The following ANK3 variants were observed in gnomAD, a reference collection of about 807,000 sequenced individuals.
ANK3 encodes the protein ankyrin 3.
ANK3 carries 57 observed loss-of-function variants against 370.9 expected under a neutral mutation model. The observed-to-expected ratio is 0.15, with a 90% confidence interval of 0.12 to 0.19. The LOEUF (loss-of-function observed/expected upper bound fraction) is 0.19, where lower values mean the gene tolerates loss of function less well. ANK3 is among the 10% of genes least tolerant of loss of function. The pLI, the probability that ANK3 is intolerant of heterozygous loss-of-function variation, is 1.00. For synonymous variants in ANK3, 1,929 were observed against 1,946.3 expected (o/e 0.99, Z 0.23); for missense variants, 4,439 against 5,302.1 (o/e 0.84, Z 5.06).
chr10:60,487,131 T>C (rs1257793976), intron 2 of ANK3, among the ~76,000 whole-genome samples: 2 of 152,140 alleles, frequency 1.3e-5, no homozygotes, highest in Non-Finnish European at 2.9e-5. Flanking sequence ...GGAAAATAAC[T>C]AAACCAAATA....
At chr10:60,426,807 AG>A (rs1400189846) in intron 2 of ANK3, among the ~76,000 whole-genome samples, 10 of 152,298 alleles carry the variant, frequency 6.6e-5, no homozygotes, top group Admixed American at 4.6e-4. Flanking sequence ...AAAATTATGA[AG>A]TATAGAAGCC....
intron 2 of ANK3, among the ~76,000 whole-genome samples, chr10:60,544,938 C>A (rs75326450): frequency 5.7e-5 from 1 of 17,618 alleles, no homozygotes; most frequent in Admixed American, 5.9e-4. Flanking sequence ...CATTTTAGGG[C>A]GTGGACAATA....
Position 60,707,018 on chromosome 10 carries a change from T to C in ANK3, c.57+26245A>G, listed in dbSNP as rs563300254. On this transcript the variant is annotated intron_variant, in intron 1 of 43. Coordinates refer to the ANK3 transcript ENST00000373827. The stretch of plus-strand genomic sequence containing the variant: ...ATGTTTCAAACCTAATAATAATATA[T>C]AAATGTATGTTTATATGTAAATATT... 1.4e-3 allele frequency among the ~76,000 whole-genome samples: 215 copies of C among 152,298 alleles called. 3 individuals carry two copies. The highest frequency in any genetic ancestry group is 2.6e-3 in the Non-Finnish European group (175 of 68,016).
At chr10:60,236,458 C>T (rs528750799) in intron 7 of ANK3, among the ~76,000 whole-genome samples, 3 of 152,154 alleles carry the variant, frequency 2.0e-5, no homozygotes, top group African/African-American at 7.2e-5. Context: ...CTCTATCCCA[C>T]CTTTTTCCCC....
rs192689065 is a variant in ANK3 at position 60,380,132 on chromosome 10, A to G, written c.114+9293T>C. ...AATTATAGTACTGTTAAGGTAGAATACATTTCCAGTAAATGAAGTAAAAGT... is the reference window on the plus strand; with the variant it reads ...AATTATAGTACTGTTAAGGTAGAATGCATTTCCAGTAAATGAAGTAAAAGT... On this transcript the variant is annotated intron_variant, in intron 1 of 43. Coordinates refer to ENST00000280772, the MANE Select transcript of ANK3 (RefSeq NM_020987.5). 5.6e-4 allele frequency among the ~76,000 whole-genome samples: 85 copies of G among 152,314 alleles called. No homozygotes were observed. In the East Asian group the frequency reaches 0.011, roughly 19 times the overall value.
intron 2 of ANK3, among the ~76,000 whole-genome samples, chr10:60,528,889 T>C (rs981803877): frequency 2.0e-5 from 3 of 152,106 alleles, no homozygotes; most frequent in Non-Finnish European, 4.4e-5. Context: ...TTTTTACTAG[T>C]GAATGATTAA....
rs1421983313 is a variant in ANK3 at position 60,082,182 on chromosome 10, G to A, written c.4324-6C>T. ...TCTTGATCTGACTCTGTCTCCTTTT[G>A]GTTCCAAGATGCATTGCAGAGACAA... On this transcript the variant is annotated splice_region_variant and splice_polypyrimidine_tract_variant and intron_variant, in intron 34 of 43. Transcript: ENST00000280772. 6.2e-7 allele frequency: 1 copy of A among 1,608,322 alleles called. No homozygotes were observed. The highest frequency in any genetic ancestry group is 8.5e-7 in the Non-Finnish European group (1 of 1,176,538).
intron 1 of ANK3, among the ~76,000 whole-genome samples, chr10:60,357,347 TG>T (rs2057921644): frequency 6.6e-6 from 1 of 152,244 alleles, no homozygotes; most frequent in Non-Finnish European, 1.5e-5. Flanking sequence ...TCACTTGTTC[TG>T]GTATTCCATT....
chr10:60,421,135 C>T (rs1220711759), intron 2 of ANK3, among the ~76,000 whole-genome samples: 3 of 151,852 alleles, frequency 2.0e-5, no homozygotes, highest in Non-Finnish European at 4.4e-5. Context: ...CTAGACTAGG[C>T]AAGTTCACAG....
intron 43 of ANK3, among the ~76,000 whole-genome samples, chr10:60,034,085 T>TG (rs2074349544): frequency 6.6e-6 from 1 of 150,804 alleles, no homozygotes; most frequent in African/African-American, 2.5e-5. Flanking sequence ...GTTTTTGTTT[T>TG]TTTTTTTGTT....
intron 8 of ANK3, among the ~76,000 whole-genome samples, chr10:60,226,525 AT>A (rs1244834655): frequency 1.9e-4 from 11 of 57,056 alleles, no homozygotes; most frequent in East Asian, 3.6e-4. Flanking sequence ...TATATATACT[AT>A]AGTATATATA....
intron 16 of ANK3, among the ~76,000 whole-genome samples, chr10:60,191,644 T>C (rs1240667201): frequency 6.6e-6 from 1 of 152,110 alleles, no homozygotes; most frequent in African/African-American, 2.4e-5. Context: ...TAAATTAATA[T>C]AACCTTTAAG....
intron 35 of ANK3, among the ~76,000 whole-genome samples, chr10:60,080,950 C>T (rs2085060178): frequency 6.6e-6 from 1 of 152,240 alleles, no homozygotes; most frequent in South Asian, 2.1e-4. Flanking sequence ...TATGTGAGTA[C>T]ATTCAAGGGA....
At chr10:60,676,713 A>G (rs951142855) in intron 1 of ANK3, among the ~76,000 whole-genome samples, 3 of 152,212 alleles carry the variant, frequency 2.0e-5, no homozygotes, top group Non-Finnish European at 4.4e-5. Flanking sequence ...TGATGAAAGG[A>G]CGGAAGCAAA....
intron 1 of ANK3, among the ~76,000 whole-genome samples, chr10:60,299,157 AGAAT>A (rs1324020837): frequency 6.6e-6 from 1 of 152,202 alleles, no homozygotes; most frequent in African/African-American, 2.4e-5. Context: ...TGAGACACAC[AGAAT>A]GTTTATAAAA....
intron 1 of ANK3, among the ~76,000 whole-genome samples, chr10:60,375,775 G>C (rs1214974287): frequency 6.6e-6 from 1 of 152,128 alleles, no homozygotes; most frequent in Non-Finnish European, 1.5e-5. Flanking sequence ...ACACATACAG[G>C]TATTTATCGT....
At chr10:60,290,462 A>G (rs941625138) in intron 1 of ANK3, among the ~76,000 whole-genome samples, 3 of 152,142 alleles carry the variant, frequency 2.0e-5, no homozygotes, top group African/African-American at 7.2e-5. Context: ...TCATCCATAA[A>G]TCAGCCAGAA....
chr10:60,246,286 A>AAAAAAAAAAAAG (rs1565961708), intron 7 of ANK3, among the ~76,000 whole-genome samples: 2 of 123,462 alleles, frequency 1.6e-5, no homozygotes, highest in Non-Finnish European at 3.6e-5. Context: ...AAAAAAGAAA[A>AAAAAAAAAAAAG]AAGAAAAAAA....
chr10:60,111,793 G>A, intron 26 of ANK3: 1 of 455,162 alleles, frequency 2.2e-6, no homozygotes, highest in Non-Finnish European at 4.4e-6. Context: ...AAAGCAAATG[G>A]GAAGAATTAA....
Sources: gnomAD v4.1 joint callset for allele counts (sites outside exome capture counted in the v4.1 genomes callset) on GRCh38, gnomAD v4.1.1 for gene constraint, MANE v1.5 for transcripts, NCBI Gene and HGNC (gene_info 2026-07-23, HGNC 2026-07-21) for gene names.